The following OSBPL9 variants were observed in gnomAD, a reference collection of about 807,000 sequenced individuals.
OSBPL9 encodes oxysterol binding protein like 9, also known as oxysterol-binding protein-related protein 9.
A neutral mutation model predicts 106.6 loss-of-function variants in OSBPL9; 40 were observed. The ratio of observed to expected loss-of-function variants is 0.38; its 90% CI spans 0.29 to 0.49. The LOEUF (loss-of-function observed/expected upper bound fraction) is 0.49, where lower values mean the gene tolerates loss of function less well. Among genes scored for constraint, OSBPL9 ranks in the 20% least tolerant of loss-of-function variants. The probability of loss-of-function intolerance (pLI) is 0.97; values close to 1 mark genes in which losing one functional copy is unlikely to be tolerated. For missense variants in OSBPL9, 609 were observed against 887.2 expected (o/e 0.69, Z 3.98); for synonymous variants, 269 against 295.4 (o/e 0.91, Z 0.92).
intron 6 of OSBPL9, 58 bp downstream of exon 6, chr1:51,746,815 A>G (rs771102445): frequency 2.9e-6 from 4 of 1,368,370 alleles, no homozygotes; most frequent in Non-Finnish European, 4.1e-6. Flanking sequence ...CTTTTGGAGA[A>G]CACTAAGTAT....
rs186839710 is a variant in OSBPL9 at position 51,761,743 on chromosome 1, G to A, written c.674-124G>A. On this transcript the variant is annotated intron_variant, in intron 10 of 23. Coordinates refer to ENST00000428468, the MANE Select transcript of OSBPL9 (RefSeq NM_024586.6). ...AAAAGGAAGGAGTAGCATGGAACTA[G>A]ACTTAATGAAATAAAGTTTCAAAAA... 5.6e-6 allele frequency: 4 copies of A among 711,552 alleles called. No individual in the cohort carries two copies. In the Admixed American group the frequency reaches 8.0e-5, roughly 14 times the overall value. The allele number at this position is 711,552 out of a possible 1,614,324, so 44.1% of individuals were successfully genotyped here.
intron 2 of OSBPL9, among the ~76,000 whole-genome samples, chr1:51,602,122 G>A (rs1038062050): frequency 7.1e-6 from 1 of 140,758 alleles, no homozygotes; most frequent in African/African-American, 2.6e-5. Context: ...CTGGGTTCAC[G>A]CCATTCTCCT....
Position 51,718,115 on chromosome 1 carries a change from T to G in OSBPL9, c.318+4036T>G, listed in dbSNP as rs185927513. On this transcript the variant is annotated intron_variant, in intron 4 of 23. Transcript: ENST00000428468. ...TAAGTGAAATAAGACAGGCACAAAC[T>G]TCACATGTTCTCACTTATTTGTGGG... Among the ~76,000 whole-genome samples the G allele has an allele frequency of 2.0e-5, 3 of 152,284 alleles. No individual in the cohort carries two copies. In the East Asian group the frequency reaches 5.8e-4, roughly 29 times the overall value.
intron 12 of OSBPL9, 128 bp downstream of exon 12, chr1:51,766,109 AC>A: frequency 1.0e-6 from 1 of 968,140 alleles, no homozygotes; most frequent in East Asian, 3.0e-5. Flanking sequence ...TAAAAGGGCA[AC>A]CTTTTTAATA....
upstream of OSBPL9, among the ~76,000 whole-genome samples, chr1:51,616,347 C>A (rs192706701): frequency 6.6e-6 from 1 of 152,268 alleles, no homozygotes; most frequent in East Asian, 1.9e-4. Flanking sequence ...TTGACCTTAT[C>A]TCCCACCACT....
chr1:51,616,003 G>GTTTTTTTTTTTTTTTT (rs764823727), upstream of OSBPL9, among the ~76,000 whole-genome samples: 4 of 104,496 alleles, frequency 3.8e-5, no homozygotes, highest in Non-Finnish European at 5.5e-5. Flanking sequence ...AAATCCTTTG[G>GTTTTTTTTTTTTTTTT]TTTTTTTTTT....
chr1:51,565,358 CCTAA>C, the OSBPL9 span, among the ~76,000 whole-genome samples: 3 of 152,182 alleles, frequency 2.0e-5, no homozygotes, highest in Non-Finnish European at 4.4e-5. Flanking sequence ...CATGTTATTT[CCTAA>C]CTAACCACTG....
chr1:51,595,114 G>A (rs1460431448), intron 1 of OSBPL9, among the ~76,000 whole-genome samples: 2 of 152,146 alleles, frequency 1.3e-5, no homozygotes, highest in Admixed American at 1.3e-4. Context: ...GAGGCCTGGG[G>A]GTAGTGAGAA....
chr1:51,572,773 C>T (rs1645158073), upstream of OSBPL9, among the ~76,000 whole-genome samples: 1 of 152,150 alleles, frequency 6.6e-6, no homozygotes, highest in Middle Eastern at 3.2e-3. Flanking sequence ...TGTGGAAGGG[C>T]TTAGTTTTGA....
chr1:51,599,244 G>A (rs950326232), intron 2 of OSBPL9, among the ~76,000 whole-genome samples: 8 of 152,124 alleles, frequency 5.3e-5, no homozygotes, highest in African/African-American at 1.9e-4. Flanking sequence ...AATGACTTCT[G>A]TTATAACAAG....
intron 15 of OSBPL9, among the ~76,000 whole-genome samples, chr1:51,779,076 C>T (rs1235204812): frequency 2.0e-5 from 3 of 151,978 alleles, no homozygotes; most frequent in East Asian, 1.9e-4. Context: ...TAAGATGTGG[C>T]GATTGTTTGG....
the OSBPL9 span, among the ~76,000 whole-genome samples, chr1:51,533,845 C>CTTTTTTTTTTTT: frequency 1.3e-4 from 15 of 116,324 alleles, no homozygotes; most frequent in South Asian, 2.8e-4. Context: ...TTTTTTCTTT[C>CTTTTTTTTTTTT]TTTTTTTTTT....
At chr1:51,641,286 T>A (rs1645777631) in intron 1 of OSBPL9, among the ~76,000 whole-genome samples, 1 of 152,206 alleles carries the variant, frequency 6.6e-6, no homozygotes, top group South Asian at 2.1e-4. Context: ...GCCTCTTTTA[T>A]AAGGGAATTA....
At chr1:51,578,171 G>A (rs1645197610) in intron 1 of OSBPL9, among the ~76,000 whole-genome samples, 2 of 152,174 alleles carry the variant, frequency 1.3e-5, no homozygotes, top group Non-Finnish European at 2.9e-5. Flanking sequence ...TTTTGCCTAA[G>A]CCATAAGATT....
chr1:51,593,943 CG>C, intron 1 of OSBPL9, among the ~76,000 whole-genome samples: 1 of 150,230 alleles, frequency 6.7e-6, no homozygotes, highest in Non-Finnish European at 1.5e-5. Context: ...CACACACACA[CG>C]AAGAGCATCA....
At chr1:51,782,523 C>G in intron 16 of OSBPL9, 36 bp from the exon 17 acceptor site, 4 of 1,592,580 alleles carry the variant, frequency 2.5e-6, no homozygotes, top group Non-Finnish European at 3.4e-6. Flanking sequence ...TTTGTGTTTT[C>G]TCATCAAAAG....
chr1:51,639,718 C>G (rs536934482), intron 1 of OSBPL9, among the ~76,000 whole-genome samples: 113 of 151,338 alleles, frequency 7.5e-4, no homozygotes, highest in African/African-American at 2.7e-3. Context: ...GAGTTTATTG[C>G]TTGATCTTCA....
intron 4 of OSBPL9, among the ~76,000 whole-genome samples, chr1:51,718,451 C>T (rs1661469455): frequency 6.6e-6 from 1 of 152,106 alleles, no homozygotes; most frequent in South Asian, 2.1e-4. Flanking sequence ...AATATTTATA[C>T]TCCAAAAATA....
chr1:51,735,198 T>C (rs564881991), intron 4 of OSBPL9, among the ~76,000 whole-genome samples: 4 of 152,328 alleles, frequency 2.6e-5, no homozygotes, highest in South Asian at 2.1e-4. Flanking sequence ...TTCCATGCTT[T>C]GAGGCAATTC....
Sources: allele counts gnomAD v4.1 joint callset (sites outside exome capture counted in the v4.1 genomes callset), GRCh38; gene constraint gnomAD v4.1.1; transcripts MANE v1.5; gene names NCBI Gene and HGNC (gene_info 2026-07-23, HGNC 2026-07-21).